Variants in RPF1 observed in about 807,000 individuals in gnomAD.
The protein encoded by RPF1 is ribosome production factor 1.
A neutral mutation model predicts 41.9 loss-of-function variants in RPF1; 34 were observed. The observed-to-expected ratio is 0.81, with a 90% CI of 0.62 to 1.08. RPF1 has a LOEUF of 1.08. Among genes scored for constraint, RPF1 ranks in the 50% least tolerant of loss-of-function variants. The pLI, the probability that RPF1 is intolerant of heterozygous loss-of-function variation, is 0.00. For missense variants in RPF1, 425 were observed against 435.2 expected (o/e 0.98, Z 0.21); for synonymous variants, 140 against 148.9 (o/e 0.94, Z 0.43).
chr1:84,490,238 C>A lies in RPF1; in HGVS notation c.463-81C>A, dbSNP rs1039459811. ...CTATTAATCATAATAATTATTATTT[C>A]TTTCCTTATGAATATGTACCACATA... On this transcript the variant is annotated intron_variant, in intron 4 of 8. Coordinates refer to ENST00000370654, the MANE Select transcript of RPF1 (RefSeq NM_025065.7). 4 of 877,090 alleles carry A rather than the reference C, an allele frequency of 4.6e-6. No individual in the cohort carries two copies. In the Admixed American group the frequency reaches 9.4e-5, roughly 21 times the overall value. 54.3% of individuals were successfully genotyped at this position (877,090 alleles called of 1,614,324 possible). A position where few individuals can be genotyped will look rare whatever the true frequency, so the allele number is the denominator to read the frequency against.
At chr1:84,492,367 A>G (rs1245956964) in intron 5 of RPF1, among the ~76,000 whole-genome samples, 1 of 152,172 alleles carries the variant, frequency 6.6e-6, no homozygotes, top group Non-Finnish European at 1.5e-5. Context: ...AGTTAAAGGG[A>G]TATACTTTTT....
At position 84,495,289 on chromosome 1, in the gene RPF1, C is replaced by T. The variant is rs1681912475; in HGVS notation, c.617-84C>T. 3 of 719,614 alleles carry T rather than the reference C, an allele frequency of 4.2e-6. No homozygotes were observed. In the South Asian group the frequency reaches 5.0e-5, roughly 12 times the overall value. 44.6% of individuals were successfully genotyped at this position (719,614 alleles called of 1,614,324 possible). Reference sequence around the variant, plus strand: ...TTCACTTGGGTACAGATTTTAGGGGCCTTTGGATGTAGAGGACCAGTTATT... The same window carrying T: ...TTCACTTGGGTACAGATTTTAGGGGTCTTTGGATGTAGAGGACCAGTTATT... On this transcript the variant is annotated intron_variant, in intron 5 of 8. Transcript: ENST00000370654.
chr1:84,479,537 G>A (rs1239539995), intron 1 of RPF1, 28 bp downstream of exon 1: 2 of 1,607,304 alleles, frequency 1.2e-6, no homozygotes, highest in Admixed American at 1.7e-5. Context: ...GCTGCCGGGC[G>A]CTTGCGCGTT....
In RPF1 at chr1:84,479,410, GAAAGCGGCTGCCTT is replaced by G; in HGVS notation, c.130_143del (p.Lys44SerfsTer5). 1 of 1,614,230 alleles carries G rather than the reference GAAAGCGGCTGCCTT, an allele frequency of 6.2e-7. No homozygotes were observed. The highest frequency in any genetic ancestry group is 1.7e-5 in the Admixed American group (1 of 60,036). On this transcript the variant is annotated frameshift_variant, in exon 1 of 9. Transcript: ENST00000370654. LOFTEE classifies it high-confidence loss of function. ...CGACGGAAAACGGGGTCCAACCCCC[GAAAGCGGCTGCCTT>G]TCCGCCAGGCTTTAGCATTTCGGAG...
At chr1:84,483,700 G>A (rs17110164) in intron 3 of RPF1, among the ~76,000 whole-genome samples, 9,433 of 152,152 alleles carry the variant, frequency 0.062, 404 homozygotes, top group African/African-American at 0.11. Flanking sequence ...CTTTCACTTT[G>A]CATATTCTCC....
Position 84,479,266 on chromosome 1 carries a change from C to T in RPF1, c.-16C>T, listed in dbSNP as rs375738366. 1.7e-5 allele frequency: 26 copies of T among 1,561,360 alleles called. No individual in the cohort carries two copies. The highest frequency in any genetic ancestry group is 2.2e-5 in the Non-Finnish European group (25 of 1,156,980). ...GGCTATTTCCGTTTCCGTACGGAAG[C>T]AAAGGAGCCAAGACCATGGCGAAAG... On this transcript the variant is annotated 5_prime_UTR_variant, in exon 1 of 9. Transcript: ENST00000370654.
chr1:84,479,782 G>A (rs1033584189), intron 1 of RPF1, among the ~76,000 whole-genome samples: 16 of 152,320 alleles, frequency 1.1e-4, no homozygotes, highest in East Asian at 3.9e-4. Context: ...AAGGCCAGTT[G>A]GCTTAGTAGT....
chr1:84,484,731 GC>G (rs1047266658), intron 3 of RPF1, among the ~76,000 whole-genome samples: 6 of 151,392 alleles, frequency 4.0e-5, no homozygotes, highest in Admixed American at 3.9e-4. Flanking sequence ...TGTTACCCAG[GC>G]TGGAGTGCAG....
At chr1:84,486,325 C>T (rs564650437) in intron 3 of RPF1, among the ~76,000 whole-genome samples, 6 of 152,146 alleles carry the variant, frequency 3.9e-5, no homozygotes, top group African/African-American at 1.2e-4. Context: ...CAGTAGCTCA[C>T]GCCTGTAATC....
intron 8 of RPF1, among the ~76,000 whole-genome samples, chr1:84,497,159 C>T (rs887164371): frequency 6.6e-6 from 1 of 150,984 alleles, no homozygotes; most frequent in Admixed American, 6.6e-5. Flanking sequence ...TGTGAGCCAC[C>T]GTGCATGGCC....
At chr1:84,490,641 A>C (rs1163309226) in intron 5 of RPF1, among the ~76,000 whole-genome samples, 169 bp downstream of exon 5, 1 of 152,160 alleles carries the variant, frequency 6.6e-6, no homozygotes, top group Non-Finnish European at 1.5e-5. Flanking sequence ...CTTTGTATTC[A>C]CCAAACATTT....
In RPF1 at chr1:84,497,504, C is replaced by T. The variant is rs752566767; in HGVS notation, c.*34C>T. On this transcript the variant is annotated 3_prime_UTR_variant, in exon 9 of 9. Transcript: ENST00000370654. The stretch of plus-strand genomic sequence containing the variant: ...GAGAATGATATTGGATTTTGCTGAA[C>T]AGGCCTATCTTGAACTTTGGTAAAT... The T allele has an allele frequency of 3.3e-5, 50 of 1,508,602 alleles. No homozygotes were observed. Among genetic ancestry groups the T allele is most frequent in the Non-Finnish European group, 4.4e-5 (48 of 1,092,986 alleles). The allele number at this position is 1,508,602 out of a possible 1,614,324, so 93.5% of individuals were successfully genotyped here. A position where few individuals can be genotyped will look rare whatever the true frequency, so the allele number is the denominator to read the frequency against.
rs1681848219 is a variant in RPF1, at chr1:84,492,297, G to A, written c.616+1825G>A. 1.3e-5 allele frequency among the ~76,000 whole-genome samples: 2 copies of A among 152,184 alleles called. 1 individual carries two copies. Among genetic ancestry groups the A allele is most frequent in the South Asian group, 4.1e-4 (2 of 4,832 alleles). ...TGGGAAAGTAGATTCTAGGAACATG[G>A]CGTCTTTCTAAAGACCATTGGAGGG... is the stretch of plus-strand genomic sequence containing the variant. On this transcript the variant is annotated intron_variant, in intron 5 of 8. Coordinates refer to ENST00000370654, the MANE Select transcript of RPF1 (RefSeq NM_025065.7).
chr1:84,489,530 G>A (rs1048377177), intron 3 of RPF1, 103 bp from the exon 4 acceptor site: 13 of 687,144 alleles, frequency 1.9e-5, no homozygotes, highest in Non-Finnish European at 3.2e-5. Context: ...GCCCCTATCA[G>A]CTAGATACTC....
At chr1:84,483,676 A>G (rs1681690912) in intron 3 of RPF1, among the ~76,000 whole-genome samples, 1 of 152,212 alleles carries the variant, frequency 6.6e-6, no homozygotes. Context: ...CATAAATCTT[A>G]GTTTCAAGAT....
intron 2 of RPF1, among the ~76,000 whole-genome samples, chr1:84,481,766 TG>T: frequency 6.6e-6 from 1 of 152,208 alleles, no homozygotes; most frequent in East Asian, 1.9e-4. Context: ...ACTCCTAGGT[TG>T]TGATTTATTT....
Position 84,497,464 on chromosome 1 carries a change from T to C in RPF1, c.1044T>C (p.His348=), listed in dbSNP as rs137857402. Residue 348 remains histidine (H), a synonymous_variant, in exon 9 of 9, where the codon CAT becomes CAC. Transcript: ENST00000370654. ...TGGATACAAGTAGAAGAAAATTCCATTTATAAAGTACTGAGAGAATGATAT... is the reference window on the plus strand; with the variant it reads ...TGGATACAAGTAGAAGAAAATTCCACTTATAAAGTACTGAGAGAATGATAT... ...REMDTSRRKF[H]L 6 of 1,610,500 alleles carry C rather than the reference T, an allele frequency of 3.7e-6. No individual in the cohort carries two copies. In the African/African-American group the frequency reaches 8.0e-5, roughly 22 times the overall value.
intron 3 of RPF1, among the ~76,000 whole-genome samples, chr1:84,486,583 G>A (rs1374758380): frequency 1.1e-4 from 10 of 93,174 alleles, no homozygotes; most frequent in Admixed American, 1.5e-4. Flanking sequence ...GCGAGACTCC[G>A]TCTCAAAAAA....
chr1:84,481,109 G>A (rs1217945037), intron 2 of RPF1, 97 bp downstream of exon 2: 4 of 678,972 alleles, frequency 5.9e-6, no homozygotes, highest in South Asian at 1.9e-5. Context: ...TTATTATTAC[G>A]TATTTCAGAT....
Sources: allele counts gnomAD v4.1 joint callset (sites outside exome capture counted in the v4.1 genomes callset), GRCh38; gene constraint gnomAD v4.1.1; transcripts MANE v1.5; gene names NCBI Gene and HGNC (gene_info 2026-07-23, HGNC 2026-07-21).